The following KCNH7 variants were observed in gnomAD, a reference collection of about 807,000 sequenced individuals.
KCNH7 encodes potassium voltage-gated channel subfamily H member 7, also known as voltage-gated inwardly rectifying potassium channel KCNH7.
In KCNH7, 49 loss-of-function variants were observed where a neutral mutation model predicts 120.8. That is an observed-to-expected ratio of 0.41 (90% CI 0.32 to 0.51). The LOEUF (loss-of-function observed/expected upper bound fraction) is 0.51. Among genes scored for constraint, KCNH7 ranks in the 20% least tolerant of loss-of-function variants. The pLI, the probability that KCNH7 is intolerant of heterozygous loss-of-function variation, is 0.38. For missense variants in KCNH7, 1,097 were observed against 1,446.6 expected, an observed-to-expected ratio of 0.76 and a Z score of 3.92; for synonymous variants, 547 against 516.1, an observed-to-expected ratio of 1.06 and a Z score of -0.81.
intron 2 of KCNH7, among the ~76,000 whole-genome samples, chr2:162,624,407 T>C (rs1228708613): frequency 6.6e-6 from 1 of 152,124 alleles, no homozygotes; most frequent in Non-Finnish European, 1.5e-5. Flanking sequence ...CTGTATAACA[T>C]GGATTAGGAG....
At chr2:162,385,852 T>C (rs887543302) in intron 12 of KCNH7, among the ~76,000 whole-genome samples, 2 of 151,916 alleles carry the variant, frequency 1.3e-5, no homozygotes, top group African/African-American at 4.8e-5. Flanking sequence ...TGGAAGGCCA[T>C]GCCAGAGAAA....
rs1401543098 is a variant in KCNH7, at chr2:162,712,707, T to C, written c.307+123830A>G. 2.6e-5 allele frequency among the ~76,000 whole-genome samples: 4 copies of C among 152,204 alleles called. No homozygotes were observed. In the East Asian group the frequency reaches 7.7e-4, roughly 29 times the overall value. On this transcript the variant is annotated intron_variant, in intron 2 of 15. Transcript: ENST00000332142. ...ATATGAATACTTTAATACTGTTATT[T>C]TAGCAACTTACTTGCTGTCAGTTTT...
chr2:162,739,969 T>G (rs932192529), intron 2 of KCNH7, among the ~76,000 whole-genome samples: 2 of 152,032 alleles, frequency 1.3e-5, no homozygotes, highest in Non-Finnish European at 2.9e-5. Flanking sequence ...CAGAAACTAA[T>G]CCAAATAAGA....
intron 5 of KCNH7, among the ~76,000 whole-genome samples, chr2:162,506,933 C>G (rs1001786345): frequency 6.6e-6 from 1 of 151,842 alleles, no homozygotes; most frequent in African/African-American, 2.4e-5. Flanking sequence ...AAAGAATTGC[C>G]TTACATGCCT....
At chr2:162,388,103 A>G (rs972781882) in intron 12 of KCNH7, among the ~76,000 whole-genome samples, 1 of 151,844 alleles carries the variant, frequency 6.6e-6, no homozygotes, top group Non-Finnish European at 1.5e-5. Context: ...ATTTAAGATC[A>G]CATACTTTAG....
At chr2:162,620,643 T>C (rs1441950481) in intron 2 of KCNH7, among the ~76,000 whole-genome samples, 1 of 152,196 alleles carries the variant, frequency 6.6e-6, no homozygotes, top group Non-Finnish European at 1.5e-5. Context: ...TTGTAAATCA[T>C]TTTTAAATTC....
chr2:162,759,689 G>A (rs1688902953), intron 2 of KCNH7, among the ~76,000 whole-genome samples: 2 of 151,840 alleles, frequency 1.3e-5, no homozygotes, highest in African/African-American at 4.8e-5. Context: ...CAACAGGCAG[G>A]CAGGAAGGAA....
intron 6 of KCNH7, among the ~76,000 whole-genome samples, chr2:162,472,916 T>G (rs1689603364): frequency 6.6e-6 from 1 of 152,184 alleles, no homozygotes; most frequent in African/African-American, 2.4e-5. Context: ...TTCATGTCCT[T>G]TGTAGGGACA....
chr2:162,545,650 G>A (rs914378820), intron 2 of KCNH7, among the ~76,000 whole-genome samples: 1 of 152,120 alleles, frequency 6.6e-6, no homozygotes, highest in Non-Finnish European at 1.5e-5. Context: ...TCATAAGCTT[G>A]TTCTAAGTTA....
At position 162,394,486 on chromosome 2, in the gene KCNH7, C is replaced by A; in HGVS notation, c.2614-1G>T. ...TGGATTGTGATCGTAGGAGATCAGC[C>A]TTTGTTAATGGAACATGAAGATAAA... On this transcript the variant is annotated splice_acceptor_variant, in intron 11 of 15. Transcript: ENST00000332142. LOFTEE classifies it high-confidence loss of function. 1 of 1,551,028 alleles carries A rather than the reference C, an allele frequency of 6.4e-7. No individual in the cohort carries two copies. Among genetic ancestry groups the A allele is most frequent in the Non-Finnish European group, 8.9e-7 (1 of 1,124,960 alleles).
chr2:162,816,547 G>C (rs1011997093), intron 2 of KCNH7, among the ~76,000 whole-genome samples: 9 of 152,066 alleles, frequency 5.9e-5, no homozygotes, highest in Non-Finnish European at 5.9e-5. Flanking sequence ...ATCAAAACTT[G>C]ATACATCACC....
intron 9 of KCNH7, among the ~76,000 whole-genome samples, chr2:162,405,792 A>C (rs1687197070): frequency 6.6e-6 from 1 of 151,976 alleles, no homozygotes; most frequent in Non-Finnish European, 1.5e-5. Context: ...AAATAATTAT[A>C]GTATCTATTT....
chr2:162,741,297 A>T (rs1320271254), intron 2 of KCNH7, among the ~76,000 whole-genome samples: 2 of 149,798 alleles, frequency 1.3e-5, no homozygotes, highest in African/African-American at 4.9e-5. Context: ...ACATATTAAT[A>T]ACATATGTTA....
chr2:162,583,306 A>T (rs1273459114), intron 2 of KCNH7, among the ~76,000 whole-genome samples: 1 of 152,078 alleles, frequency 6.6e-6, no homozygotes, highest in Non-Finnish European at 1.5e-5. Context: ...AAAGAGGAAA[A>T]TTTAGACATA....
At chr2:162,691,680 ATT>A (rs1418089285) in intron 2 of KCNH7, among the ~76,000 whole-genome samples, 13 of 152,250 alleles carry the variant, frequency 8.5e-5, no homozygotes, top group Middle Eastern at 3.4e-3. Flanking sequence ...ATGAGGCATA[ATT>A]TAAAATTCCA....
intron 2 of KCNH7, among the ~76,000 whole-genome samples, chr2:162,822,886 T>G (rs1027049329): frequency 6.6e-6 from 1 of 152,228 alleles, no homozygotes; most frequent in African/African-American, 2.4e-5. Flanking sequence ...CCCGCACTCC[T>G]GTACAGCTGG....
At position 162,829,114 on chromosome 2, in the gene KCNH7, T is replaced by A. The variant is rs548907543; in HGVS notation, c.307+7423A>T. On this transcript the variant is annotated intron_variant, in intron 2 of 15. Coordinates refer to ENST00000332142, the MANE Select transcript of KCNH7 (RefSeq NM_033272.4). ...TCACAGCCATGAGAACCTGGAATTCTGTTTTCTCATAACCCATTAACTTTC... is the reference window on the plus strand; with the variant it reads ...TCACAGCCATGAGAACCTGGAATTCAGTTTTCTCATAACCCATTAACTTTC... Among the ~76,000 whole-genome samples, 3 of 152,278 alleles carry A rather than the reference T, an allele frequency of 2.0e-5. No individual in the cohort carries two copies. In the South Asian group the frequency reaches 6.2e-4, roughly 32 times the overall value.
chr2:162,376,041 T>C (rs933729679), intron 14 of KCNH7, among the ~76,000 whole-genome samples: 2 of 152,228 alleles, frequency 1.3e-5, no homozygotes, highest in African/African-American at 4.8e-5. Context: ...CTTTTTCTTC[T>C]GTCAGCATAA....
chr2:162,448,131 T>C (rs1688645741), intron 6 of KCNH7, among the ~76,000 whole-genome samples: 1 of 152,066 alleles, frequency 6.6e-6, no homozygotes, highest in African/African-American at 2.4e-5. Flanking sequence ...ATATTGAAAG[T>C]CCAAGATACA....
Sources: gnomAD v4.1 joint callset for allele counts (sites outside exome capture counted in the v4.1 genomes callset) on GRCh38, gnomAD v4.1.1 for gene constraint, MANE v1.5 for transcripts, NCBI Gene and HGNC (gene_info 2026-07-23, HGNC 2026-07-21) for gene names.